The following PITPNC1 variants were observed in gnomAD, a reference collection of about 807,000 sequenced individuals.
The protein encoded by PITPNC1 is cytoplasmic phosphatidylinositol transfer protein 1.
PITPNC1 carries 18 observed loss-of-function variants against 44.7 expected under a neutral mutation model. The ratio of observed to expected loss-of-function variants is 0.40; its 90% CI spans 0.28 to 0.60. The LOEUF (loss-of-function observed/expected upper bound fraction) is 0.60. Ranked by LOEUF, PITPNC1 falls within the 20% of genes least tolerant of loss-of-function variation. PITPNC1 has a pLI of 0.39. For synonymous variants in PITPNC1, 141 were observed against 149.6 expected (o/e 0.94, Z 0.42); for missense variants, 290 against 418.4 (o/e 0.69, Z 2.68).
At chr17:67,490,911 T>A (rs757717108) in intron 1 of PITPNC1, among the ~76,000 whole-genome samples, 4 of 152,224 alleles carry the variant, frequency 2.6e-5, no homozygotes, top group Non-Finnish European at 5.9e-5. Context: ...TATACTTACT[T>A]CTCTCCTCCT....
chr17:67,511,733 T>A (rs1406622204), intron 1 of PITPNC1, among the ~76,000 whole-genome samples: 1 of 152,184 alleles, frequency 6.6e-6, no homozygotes, highest in Non-Finnish European at 1.5e-5. Flanking sequence ...GGTCTCGAAC[T>A]CCTGACCTCA....
Position 67,531,218 on chromosome 17 carries a change from G to A in PITPNC1, c.49-1584G>A, listed in dbSNP as rs538213667. Among the ~76,000 whole-genome samples, 5 of 152,346 alleles carry A rather than the reference G, an allele frequency of 3.3e-5. No individual in the cohort carries two copies. The South Asian group carries it at 6.2e-4, about 19-fold the overall frequency. ...AGATCACACCACTGTAGTCCCGCCCGTGTGACAGAGTGAGACCCTGTCTCA... is the reference window on the plus strand; with the variant it reads ...AGATCACACCACTGTAGTCCCGCCCATGTGACAGAGTGAGACCCTGTCTCA... On this transcript the variant is annotated intron_variant, in intron 1 of 8. Transcript: ENST00000581322.
chr17:67,603,536 G>C (rs2041569589), intron 5 of PITPNC1, among the ~76,000 whole-genome samples: 1 of 152,188 alleles, frequency 6.6e-6, no homozygotes, highest in South Asian at 2.1e-4. Flanking sequence ...CTCACAGCTA[G>C]CAAGTGTCAG....
chr17:67,619,232 C>T (rs2071635942), intron 5 of PITPNC1, among the ~76,000 whole-genome samples: 1 of 152,282 alleles, frequency 6.6e-6, no homozygotes, highest in East Asian at 1.9e-4. Context: ...TCTGTGTGCT[C>T]AAACTGGGAA....
intron 1 of PITPNC1, among the ~76,000 whole-genome samples, chr17:67,426,027 A>G (rs10512516): frequency 0.57 from 87,118 of 152,022 alleles, 25,706 homozygotes; most frequent in Middle Eastern, 0.7. Context: ...TTTGCTGATC[A>G]CTTCATAGAC....
At chr17:67,447,036 G>A (rs1397422432) in intron 1 of PITPNC1, among the ~76,000 whole-genome samples, 1 of 126,268 alleles carries the variant, frequency 7.9e-6, no homozygotes, top group Non-Finnish European at 1.6e-5. Context: ...GTTGCAGTAA[G>A]CCAAGATTGT....
intron 1 of PITPNC1, among the ~76,000 whole-genome samples, chr17:67,464,156 G>A (rs1177909533): frequency 1.3e-5 from 2 of 151,608 alleles, no homozygotes; most frequent in East Asian, 3.9e-4. Context: ...TCACGCCACT[G>A]CACTCCAGCC....
At chr17:67,552,373 C>T (rs1257962324) in intron 3 of PITPNC1, 28 bp downstream of exon 3, 2 of 1,086,382 alleles carry the variant, frequency 1.8e-6, no homozygotes, top group South Asian at 1.2e-5. Context: ...CCATATGGCA[C>T]ATGTAGTGAG....
chr17:67,499,462 C>T (rs529435243), intron 1 of PITPNC1, among the ~76,000 whole-genome samples: 58 of 152,112 alleles, frequency 3.8e-4, no homozygotes, highest in Non-Finnish European at 7.3e-4. Flanking sequence ...AGCAATCCAC[C>T]CTCCTTGGCC....
At chr17:67,546,348 A>G (rs1568035191) in intron 2 of PITPNC1, among the ~76,000 whole-genome samples, 1 of 151,974 alleles carries the variant, frequency 6.6e-6, no homozygotes, top group Non-Finnish European at 1.5e-5. Flanking sequence ...GGAAAATAAT[A>G]GAGCACATGG....
At chr17:67,563,543 G>T (rs2040933676) in intron 4 of PITPNC1, among the ~76,000 whole-genome samples, 1 of 152,150 alleles carries the variant, frequency 6.6e-6, no homozygotes. Context: ...CTGGGCTGAG[G>T]GTTCTTCTCA....
intron 2 of PITPNC1, among the ~76,000 whole-genome samples, chr17:67,545,175 G>A (rs1016370314): frequency 3.3e-5 from 5 of 152,146 alleles, no homozygotes; most frequent in African/African-American, 4.8e-5. Context: ...AGGCAGGCGT[G>A]GTAGCACACT....
At chr17:67,582,651 T>C (rs2041251238) in intron 5 of PITPNC1, among the ~76,000 whole-genome samples, 1 of 151,912 alleles carries the variant, frequency 6.6e-6, no homozygotes, top group South Asian at 2.1e-4. Flanking sequence ...CCAGTATACG[T>C]ATGATTGTGA....
chr17:67,586,609 A>G (rs2041321387), intron 5 of PITPNC1, among the ~76,000 whole-genome samples: 1 of 151,924 alleles, frequency 6.6e-6, no homozygotes, highest in Admixed American at 6.6e-5. Flanking sequence ...AAAAAAAAAA[A>G]TGTATACTAA....
At chr17:67,525,900 G>A (rs1358233915) in intron 1 of PITPNC1, among the ~76,000 whole-genome samples, 1 of 152,216 alleles carries the variant, frequency 6.6e-6, no homozygotes, top group Non-Finnish European at 1.5e-5. Flanking sequence ...GGGTAAATAT[G>A]TGATTTCACG....
chr17:67,575,612 G>A (rs2041130118), intron 4 of PITPNC1, among the ~76,000 whole-genome samples: 1 of 152,076 alleles, frequency 6.6e-6, no homozygotes, highest in African/African-American at 2.4e-5. Context: ...TGAAAGGGGA[G>A]CGTGGTCATT....
At chr17:67,681,979 C>T (rs549511009) in intron 8 of PITPNC1, among the ~76,000 whole-genome samples, 1 of 152,198 alleles carries the variant, frequency 6.6e-6, no homozygotes, top group East Asian at 1.9e-4. Context: ...AGGCAGATCA[C>T]CTTAGGTCAG....
chr17:67,399,008 CT>C (rs34059580), intron 1 of PITPNC1, among the ~76,000 whole-genome samples: 295 of 88,496 alleles, frequency 3.3e-3, no homozygotes, highest in South Asian at 9.8e-3. Flanking sequence ...AGAGGATCAG[CT>C]TTTTTTTTTT....
At chr17:67,463,789 G>A (rs760137187) in intron 1 of PITPNC1, among the ~76,000 whole-genome samples, 5 of 151,830 alleles carry the variant, frequency 3.3e-5, no homozygotes, top group Non-Finnish European at 5.9e-5. Flanking sequence ...CTGTGGTTCC[G>A]GCGGCTACTT....
Sources: allele counts gnomAD v4.1 joint callset (sites outside exome capture counted in the v4.1 genomes callset), GRCh38; gene constraint gnomAD v4.1.1; transcripts MANE v1.5; gene names NCBI Gene and HGNC (gene_info 2026-07-23, HGNC 2026-07-21).